CC2D2B: variants seen among roughly 807,000 people sequenced by gnomAD.
The protein encoded by CC2D2B is coiled-coil and C2 domain containing 2B.
In CC2D2B, 128 loss-of-function variants were observed where a neutral mutation model predicts 161.2. The ratio of observed to expected loss-of-function variants is 0.79; its 90% CI spans 0.69 to 0.92. CC2D2B has a LOEUF of 0.92. Ranked by LOEUF, CC2D2B falls within the 40% of genes least tolerant of loss-of-function variation. The pLI is 0.00. For missense variants in CC2D2B, 1,173 were observed against 1,375.1 expected (o/e 0.85, Z 2.32); for synonymous variants, 391 against 449.8 (o/e 0.87, Z 1.65).
intron 2 of CC2D2B, chr10:95,920,739 G>C (rs535447484): frequency 6.6e-6 from 1 of 152,338 alleles, no homozygotes; most frequent in African/African-American, 2.4e-5. Context: ...AAGGCCCAAG[G>C]GTTCTTTAGT....
At chr10:95,986,811 G>C (rs1479993634) in intron 19 of CC2D2B, among the ~76,000 whole-genome samples, 1 of 151,904 alleles carries the variant, frequency 6.6e-6, no homozygotes, top group Non-Finnish European at 1.5e-5. Context: ...TGCCCAGACT[G>C]GTCTTGAACT....
At chr10:95,973,633 T>G (rs563051362) in intron 16 of CC2D2B, among the ~76,000 whole-genome samples, 1 of 151,930 alleles carries the variant, frequency 6.6e-6, no homozygotes, top group South Asian at 2.1e-4. Context: ...CCCAGGCAGG[T>G]GGATCACCTC....
At chr10:95,999,492 G>A (rs1301307713) in intron 24 of CC2D2B, among the ~76,000 whole-genome samples, 1 of 149,758 alleles carries the variant, frequency 6.7e-6, no homozygotes, top group Non-Finnish European at 1.5e-5. Flanking sequence ...TTTCTTCCAT[G>A]ATGATTTAGA....
chr10:95,915,201 T>G (rs2098513901), intron 2 of CC2D2B, among the ~76,000 whole-genome samples: 2 of 152,218 alleles, frequency 1.3e-5, no homozygotes, highest in Admixed American at 1.3e-4. Context: ...CTAGATTTCT[T>G]TTTCAGATTG....
At chr10:95,958,051 T>A (rs1358923839) in intron 11 of CC2D2B, among the ~76,000 whole-genome samples, 1 of 145,570 alleles carries the variant, frequency 6.9e-6, no homozygotes, top group African/African-American at 2.6e-5. Context: ...CAACAGAAAC[T>A]ATGCCAAAAA....
chr10:96,012,519 C>A lies in CC2D2B; in HGVS notation c.3229-13C>A, dbSNP rs542380906. ...TACAGTACAATTCTGAAATACTTTA[C>A]ATTTTATTGTAGTTTTTAGATCAAA... On this transcript the variant is annotated splice_polypyrimidine_tract_variant and intron_variant, in intron 27 of 34. Coordinates refer to ENST00000646931, the MANE Select transcript of CC2D2B (RefSeq NM_001349008.3). 2 of 1,549,786 alleles carry A rather than the reference C, an allele frequency of 1.3e-6. No individual in the cohort carries two copies. The highest frequency in any genetic ancestry group is 1.1e-5 in the South Asian group (1 of 89,232).
chr10:95,976,806 T>A (rs902677911), intron 17 of CC2D2B, among the ~76,000 whole-genome samples: 5 of 152,208 alleles, frequency 3.3e-5, no homozygotes, highest in African/African-American at 1.2e-4. Context: ...TGGAGTGCAA[T>A]GGTGCAATCT....
intron 13 of CC2D2B, 85 bp downstream of exon 13, chr10:95,966,083 A>C: frequency 1.4e-6 from 1 of 729,396 alleles, no homozygotes; most frequent in Non-Finnish European, 1.9e-6. Context: ...GTATTTCTAA[A>C]AGTTATCCAA....
At chr10:95,991,166 C>G (rs1195156265) in intron 20 of CC2D2B, among the ~76,000 whole-genome samples, 2 of 152,154 alleles carry the variant, frequency 1.3e-5, no homozygotes, top group East Asian at 3.9e-4. Flanking sequence ...TGGAAATAAA[C>G]TAGCTTTGGT....
In CC2D2B at chr10:95,982,635, C is replaced by T. The variant is rs1234293983; in HGVS notation, c.2082+522C>T. Among the ~76,000 whole-genome samples, 5 of 152,274 alleles carry T rather than the reference C, an allele frequency of 3.3e-5. No homozygotes were observed. The East Asian group carries it at 9.6e-4, about 29-fold the overall frequency. ...ACCCTGCAAGTCTAATAAATGCTTC[C>T]CTGGTAACCTCAGTTAGGCACCACA... is the stretch of plus-strand genomic sequence containing the variant. On this transcript the variant is annotated intron_variant, in intron 18 of 34. Coordinates refer to ENST00000646931, the MANE Select transcript of CC2D2B (RefSeq NM_001349008.3).
chr10:95,991,018 G>A (rs1564646222), intron 20 of CC2D2B, among the ~76,000 whole-genome samples: 1 of 152,186 alleles, frequency 6.6e-6, no homozygotes, highest in Non-Finnish European at 1.5e-5. Context: ...AGTGGCTATT[G>A]TAGAAGTGGA....
intron 30 of CC2D2B, among the ~76,000 whole-genome samples, chr10:96,016,567 A>T (rs768013807): frequency 3.9e-5 from 6 of 152,192 alleles, no homozygotes; most frequent in Non-Finnish European, 5.9e-5. Context: ...GTTACTGGGA[A>T]TATTAAATTA....
chr10:96,016,449 A>G, intron 30 of CC2D2B, 135 bp downstream of exon 30: 1 of 640,160 alleles, frequency 1.6e-6, no homozygotes, highest in Non-Finnish European at 2.8e-6. Context: ...AGCAATGATT[A>G]GTTAAGAGGA....
chr10:95,969,924 C>T (rs1409490634), intron 15 of CC2D2B, among the ~76,000 whole-genome samples: 2 of 151,958 alleles, frequency 1.3e-5, no homozygotes, highest in Non-Finnish European at 2.9e-5. Context: ...AACTAAGAGG[C>T]AGGGAGGGAG....
chr10:96,012,177 T>A lies in CC2D2B; in HGVS notation c.3046-8T>A, dbSNP rs1564669060. The A allele has an allele frequency of 1.5e-6, 1 of 671,842 alleles. No homozygotes were observed. Among genetic ancestry groups the A allele is most frequent in the Admixed American group, 2.4e-5 (1 of 41,000 alleles). The allele number at this position is 671,842 out of a possible 1,614,324, so 41.6% of individuals were successfully genotyped here. ...TGCATAATCCATTATACTGATATAC[T>A]CTTTCAGATTAGTGGAACATTTCAA... On this transcript the variant is annotated splice_region_variant and splice_polypyrimidine_tract_variant and intron_variant, in intron 26 of 34. Coordinates refer to ENST00000646931, the MANE Select transcript of CC2D2B (RefSeq NM_001349008.3).
At chr10:96,016,702 A>T (rs2079213693) in intron 30 of CC2D2B, among the ~76,000 whole-genome samples, 1 of 152,062 alleles carries the variant, frequency 6.6e-6, no homozygotes, top group African/African-American at 2.4e-5. Context: ...TACCACCATG[A>T]TCATCATATG....
chr10:95,913,931 T>C (rs1202359136), intron 2 of CC2D2B, among the ~76,000 whole-genome samples: 1 of 152,222 alleles, frequency 6.6e-6, no homozygotes, highest in Non-Finnish European at 1.5e-5. Flanking sequence ...CTTTGTTGAT[T>C]GTTTCCTTTA....
chr10:96,031,415 A>G (rs2080062243), intron 34 of CC2D2B, among the ~76,000 whole-genome samples: 3 of 152,236 alleles, frequency 2.0e-5, no homozygotes, highest in Admixed American at 2.0e-4. Context: ...ATCCCATCAC[A>G]TAGTAGTCAC....
At chr10:96,000,239 T>C in intron 24 of CC2D2B, 1 of 1,231,932 alleles carries the variant, frequency 8.1e-7, no homozygotes, top group Non-Finnish European at 1.0e-6. Flanking sequence ...TCCTTTGCGT[T>C]CATCATTTTG....
Sources: gnomAD v4.1 joint callset for allele counts (sites outside exome capture counted in the v4.1 genomes callset) on GRCh38, gnomAD v4.1.1 for gene constraint, MANE v1.5 for transcripts, NCBI Gene and HGNC (gene_info 2026-07-23, HGNC 2026-07-21) for gene names.